Variants in ADK observed in about 807,000 individuals in gnomAD.
ADK encodes adenosine kinase.
In ADK, 24 loss-of-function variants were observed where a neutral mutation model predicts 44.7. The observed-to-expected ratio is 0.54, with a 90% CI of 0.39 to 0.76. The LOEUF is 0.76. Among genes scored for constraint, ADK ranks in the 30% least tolerant of loss-of-function variants. ADK has a pLI of 0.00. For synonymous variants in ADK, 128 were observed against 142.6 expected (o/e 0.90, Z 0.73); for missense variants, 321 against 425.1 (o/e 0.76, Z 2.15).
At chr10:74,552,660 A>T (rs1182384573) in intron 7 of ADK, among the ~76,000 whole-genome samples, 1 of 151,590 alleles carries the variant, frequency 6.6e-6, no homozygotes, top group Non-Finnish European at 1.5e-5. Flanking sequence ...CCAGCCACAG[A>T]TTAGGAGAAA....
At chr10:74,345,490 C>T (rs897581005) in intron 4 of ADK, among the ~76,000 whole-genome samples, 3 of 152,002 alleles carry the variant, frequency 2.0e-5, no homozygotes, top group African/African-American at 4.8e-5. Context: ...AAATTTTTTG[C>T]AGAGACGAGG....
intron 9 of ADK, among the ~76,000 whole-genome samples, chr10:74,652,038 C>T (rs1217457507): frequency 6.8e-6 from 1 of 146,094 alleles, no homozygotes; most frequent in Non-Finnish European, 1.5e-5. Context: ...TATGAAGGAA[C>T]TTTCTTTCTT....
intron 6 of ADK, among the ~76,000 whole-genome samples, chr10:74,442,049 A>G (rs1845428154): frequency 6.6e-6 from 1 of 152,058 alleles, no homozygotes; most frequent in Non-Finnish European, 1.5e-5. Flanking sequence ...GCTACTTAGG[A>G]GACTGAGATA....
intron 9 of ADK, among the ~76,000 whole-genome samples, chr10:74,630,932 A>C (rs1853392492): frequency 6.6e-6 from 1 of 151,890 alleles, no homozygotes; most frequent in Non-Finnish European, 1.5e-5. Flanking sequence ...TGTCATATGG[A>C]CTCATGAATA....
At chr10:74,186,979 C>G (rs1399366440) in intron 1 of ADK, among the ~76,000 whole-genome samples, 1 of 151,844 alleles carries the variant, frequency 6.6e-6, no homozygotes, top group Non-Finnish European at 1.5e-5. Flanking sequence ...TTGCTGTGTA[C>G]TAGGGTAGAT....
intron 6 of ADK, chr10:74,423,567 C>T (rs924529823): frequency 1.2e-5 from 3 of 240,306 alleles, no homozygotes; most frequent in Non-Finnish European, 2.6e-5. Flanking sequence ...ACTTCATTCA[C>T]GTTCATTGCA....
chr10:74,540,584 C>T (rs1166023298), intron 7 of ADK, among the ~76,000 whole-genome samples: 3 of 151,874 alleles, frequency 2.0e-5, no homozygotes, highest in Non-Finnish European at 4.4e-5. Flanking sequence ...CTCAGCTTTC[C>T]ACATAGCTGG....
At chr10:74,282,189 G>A (rs1358582616) in intron 3 of ADK, among the ~76,000 whole-genome samples, 1 of 152,106 alleles carries the variant, frequency 6.6e-6, no homozygotes, top group Non-Finnish European at 1.5e-5. Context: ...TTACAATAGA[G>A]TTTAATCTTA....
intron 10 of ADK, among the ~76,000 whole-genome samples, chr10:74,679,202 A>C (rs991372356): frequency 2.6e-5 from 4 of 152,190 alleles, no homozygotes; most frequent in Non-Finnish European, 5.9e-5. Flanking sequence ...TCTCTAAAGG[A>C]GGAGAAATAG....
At chr10:74,650,452 C>T (rs1205817875) in intron 9 of ADK, among the ~76,000 whole-genome samples, 1 of 151,976 alleles carries the variant, frequency 6.6e-6, no homozygotes, top group Non-Finnish European at 1.5e-5. Flanking sequence ...CCTAATGTTG[C>T]GCTTTACAGC....
At chr10:74,330,981 T>TGGAAGCAGAGAAAGC (rs1225047839) in intron 4 of ADK, among the ~76,000 whole-genome samples, 1 of 152,236 alleles carries the variant, frequency 6.6e-6, no homozygotes, top group African/African-American at 2.4e-5. Flanking sequence ...TTAATCCCTC[T>TGGAAGCAGAGAAAGC]TTTCTGTAGT....
chr10:74,655,835 A>T (rs1486596292), intron 9 of ADK: 1 of 526,180 alleles, frequency 1.9e-6, no homozygotes, highest in African/African-American at 1.9e-5. Flanking sequence ...GAGAGGTGGT[A>T]CTCATCAAGC....
At chr10:74,454,593 A>C (rs1845878149) in intron 6 of ADK, among the ~76,000 whole-genome samples, 1 of 152,124 alleles carries the variant, frequency 6.6e-6, no homozygotes, top group African/African-American at 2.4e-5. Context: ...TAGGAGAGGA[A>C]AAAAAATATC....
chr10:74,493,749 T>C (rs986719714), intron 6 of ADK, among the ~76,000 whole-genome samples: 1 of 152,084 alleles, frequency 6.6e-6, no homozygotes, highest in Non-Finnish European at 1.5e-5. Flanking sequence ...AAGAAATAGA[T>C]CATTTTAAAG....
At chr10:74,541,494 A>C (rs1430359120) in intron 7 of ADK, among the ~76,000 whole-genome samples, 1 of 152,046 alleles carries the variant, frequency 6.6e-6, no homozygotes, top group Non-Finnish European at 1.5e-5. Flanking sequence ...CTTTGTCTTT[A>C]TGACCATGAC....
intron 9 of ADK, among the ~76,000 whole-genome samples, chr10:74,614,366 T>A (rs541931426): frequency 6.6e-6 from 1 of 152,298 alleles, no homozygotes; most frequent in Admixed American, 6.5e-5. Flanking sequence ...TCCACAAATA[T>A]GTTACTAAAT....
chr10:74,160,491 T>G (rs1841858826), intron 1 of ADK, among the ~76,000 whole-genome samples: 1 of 152,240 alleles, frequency 6.6e-6, no homozygotes, highest in Non-Finnish European at 1.5e-5. Flanking sequence ...GACACACCAC[T>G]GGCTGACCCT....
chr10:74,518,609 G>A (rs999941204), intron 6 of ADK, among the ~76,000 whole-genome samples: 3 of 152,020 alleles, frequency 2.0e-5, no homozygotes, highest in Admixed American at 6.5e-5. Context: ...GAAAACTTAC[G>A]GATATTTCTT....
intron 6 of ADK, among the ~76,000 whole-genome samples, chr10:74,456,904 C>G (rs1483480785): frequency 6.6e-6 from 1 of 152,044 alleles, no homozygotes; most frequent in East Asian, 1.9e-4. Context: ...GACACACTAA[C>G]ATCACGATGA....
Sources: gnomAD v4.1 joint callset for allele counts (sites outside exome capture counted in the v4.1 genomes callset) on GRCh38, gnomAD v4.1.1 for gene constraint, MANE v1.5 for transcripts, NCBI Gene and HGNC (gene_info 2026-07-23, HGNC 2026-07-21) for gene names.